Variants in FOXJ3 observed in about 807,000 individuals in gnomAD.
FOXJ3 encodes forkhead box J3, also known as forkhead box protein J3.
In FOXJ3, 22 loss-of-function variants were observed where a neutral mutation model predicts 76.1. The ratio of observed to expected loss-of-function variants is 0.29; its 90% CI spans 0.21 to 0.41. The LOEUF (loss-of-function observed/expected upper bound fraction) is 0.41. Ranked by LOEUF, FOXJ3 falls within the 10% of genes least tolerant of loss-of-function variation. The pLI is 1.00. For synonymous variants in FOXJ3, 269 were observed against 261.2 expected, an observed-to-expected ratio of 1.03 and a Z score of -0.29; for missense variants, 613 against 762.1, an observed-to-expected ratio of 0.80 and a Z score of 2.30.
chr1:42,284,402 T>C (rs1421621749), intron 2 of FOXJ3, among the ~76,000 whole-genome samples: 2 of 152,232 alleles, frequency 1.3e-5, no homozygotes, highest in Non-Finnish European at 2.9e-5. Context: ...GTTGGCTCTT[T>C]CTCGCCATTT....
Position 42,300,776 on chromosome 1 carries a change from C to CA in FOXJ3, c.44+10273dup, listed in dbSNP as rs557590466. On this transcript the variant is annotated intron_variant, in intron 2 of 12. Transcript: ENST00000361346. ...CTGGCCAGCAGACTGAGACCCTGTCCAAAAAACAAAATTAATTCTTGGCTG... is the reference window on the plus strand; with the variant it reads ...CTGGCCAGCAGACTGAGACCCTGTCCAAAAAAACAAAATTAATTCTTGGCTG... 2.3e-3 allele frequency among the ~76,000 whole-genome samples: 352 copies of CA among 152,084 alleles called. 6 individuals carry two copies. The highest frequency in any genetic ancestry group is 2.9e-3 in the East Asian group (15 of 5,174).
intron 5 of FOXJ3, among the ~76,000 whole-genome samples, chr1:42,220,232 GA>G (rs1358434947): frequency 1.3e-5 from 2 of 152,138 alleles, no homozygotes; most frequent in Non-Finnish European, 2.9e-5. Flanking sequence ...CAGTGACCAG[GA>G]AGAGACTATT....
intron 3 of FOXJ3, among the ~76,000 whole-genome samples, chr1:42,267,777 GAA>G (rs958207961): frequency 1.3e-5 from 2 of 151,992 alleles, no homozygotes; most frequent in Non-Finnish European, 2.9e-5. Flanking sequence ...GAAAACTAAA[GAA>G]AGAGACAAAT....
intron 2 of FOXJ3, among the ~76,000 whole-genome samples, chr1:42,308,396 A>C (rs1654596185): frequency 6.6e-6 from 1 of 152,198 alleles, no homozygotes; most frequent in South Asian, 2.1e-4. Flanking sequence ...GTGGTTATTA[A>C]GTAATCCAGT....
Position 42,191,432 on chromosome 1 carries a change from T to C in FOXJ3, c.1222A>G (p.Ser408Gly), listed in dbSNP as rs941033595. The C allele has an allele frequency of 6.2e-7, 1 of 1,612,550 alleles. No individual in the cohort carries two copies. The highest frequency in any genetic ancestry group is 1.3e-5 in the African/African-American group (1 of 74,834). Residue 408 changes from serine to glycine, a missense_variant, in exon 9 of 13, where the codon AGC (serine) becomes GGC (glycine). Ser to Gly is a moderately conservative substitution (Grantham distance 56, BLOSUM62 0). This residue lies in a region of FOXJ3 where 526 missense variants were observed against 601.4 expected (regional missense o/e 0.87). Transcript: ENST00000361346. The part of the protein sequence containing the change: ...PHPAPHPQQH[S>G]QLQSPHPQHP... ...TGGGGGTGAGGGGACTGGAGCTGGC[T>C]GTGTTGCTGTGGGTGTGGTGCTGGG...
intron 4 of FOXJ3, among the ~76,000 whole-genome samples, chr1:42,248,974 ACT>A (rs1444277189): frequency 6.6e-6 from 1 of 150,816 alleles, no homozygotes; most frequent in Non-Finnish European, 1.5e-5. Context: ...TCATTGTTCA[ACT>A]CCCACTATGA....
intron 4 of FOXJ3, among the ~76,000 whole-genome samples, chr1:42,248,704 G>C (rs1457210181): frequency 7.3e-6 from 1 of 137,688 alleles, no homozygotes; most frequent in African/African-American, 2.7e-5. Flanking sequence ...ATATTGTCCA[G>C]AAAGAACTCA....
chr1:42,230,358 A>G (rs1400270202), intron 4 of FOXJ3, among the ~76,000 whole-genome samples: 1 of 152,190 alleles, frequency 6.6e-6, no homozygotes, highest in East Asian at 1.9e-4. Flanking sequence ...TAGCAGGTAC[A>G]GGCTAAGTAT....
intron 5 of FOXJ3, among the ~76,000 whole-genome samples, chr1:42,212,972 C>CA (rs34286246): frequency 1.8e-4 from 22 of 122,968 alleles, no homozygotes; most frequent in Admixed American, 3.5e-4. Context: ...AAAAAAAAAA[C>CA]AAAAAAAAAA....
intron 5 of FOXJ3, among the ~76,000 whole-genome samples, chr1:42,212,228 G>A (rs971762753): frequency 1.3e-5 from 2 of 152,152 alleles, no homozygotes; most frequent in African/African-American, 2.4e-5. Flanking sequence ...CAGCCTGGGT[G>A]ACATAGCAAG....
intron 2 of FOXJ3, among the ~76,000 whole-genome samples, chr1:42,289,888 T>TTGTA (rs1466695607): frequency 6.6e-6 from 1 of 152,116 alleles, no homozygotes; most frequent in Non-Finnish European, 1.5e-5. Context: ...AGACTGAGTC[T>TTGTA]TTTACACAAA....
At chr1:42,185,582 G>T (rs181357128) in intron 11 of FOXJ3, among the ~76,000 whole-genome samples, 1 of 151,884 alleles carries the variant, frequency 6.6e-6, no homozygotes, top group East Asian at 1.9e-4. Flanking sequence ...AACTCTTTTA[G>T]GTAAAAGCTA....
rs1400341643 is a variant in FOXJ3 at position 42,179,683 on chromosome 1, G to A, written c.*27C>T. The A allele has an allele frequency of 4.3e-6, 6 of 1,383,068 alleles. No individual in the cohort carries two copies. The South Asian group carries it at 7.0e-5, about 16-fold the overall frequency. The allele number at this position is 1,383,068 out of a possible 1,614,324, so 85.7% of individuals were successfully genotyped here. A position where few individuals can be genotyped will look rare whatever the true frequency, so the allele number is the denominator to read the frequency against. ...TTCACTGCACAGAAAGGTAACGTTA[G>A]GGTCTGGTGTCTTGCAGAAACAAGC... is the stretch of plus-strand genomic sequence containing the variant. On this transcript the variant is annotated 3_prime_UTR_variant, in exon 13 of 13. Transcript: ENST00000361346.
chr1:42,261,148 A>T (rs1178608698), intron 4 of FOXJ3, among the ~76,000 whole-genome samples: 1 of 152,142 alleles, frequency 6.6e-6, no homozygotes. Context: ...ATTTACCTTT[A>T]AGATAATTAA....
At chr1:42,184,471 AT>A (rs1646394165) in intron 11 of FOXJ3, among the ~76,000 whole-genome samples, 1 of 151,976 alleles carries the variant, frequency 6.6e-6, no homozygotes, top group Non-Finnish European at 1.5e-5. Flanking sequence ...ATTAATTCTC[AT>A]TTTTTCCCAT....
intron 4 of FOXJ3, among the ~76,000 whole-genome samples, chr1:42,264,216 T>C (rs1570098742): frequency 6.6e-6 from 1 of 151,970 alleles, no homozygotes; most frequent in Non-Finnish European, 1.5e-5. Flanking sequence ...ACCATATGAA[T>C]AGCATGTTTG....
intron 2 of FOXJ3, among the ~76,000 whole-genome samples, chr1:42,295,447 A>G (rs1653721007): frequency 6.6e-6 from 1 of 151,756 alleles, no homozygotes; most frequent in African/African-American, 2.4e-5. Context: ...TATTCAGTCA[A>G]CTGCTGATGA....
At chr1:42,324,550 T>C (rs1483327110) in intron 1 of FOXJ3, among the ~76,000 whole-genome samples, 4 of 151,962 alleles carry the variant, frequency 2.6e-5, no homozygotes, top group African/African-American at 4.8e-5. Flanking sequence ...AACGTGTCGT[T>C]AGGCGATTTC....
intron 1 of FOXJ3, 49 bp from the exon 2 acceptor site, chr1:42,311,159 A>T: frequency 8.5e-7 from 1 of 1,171,130 alleles, no homozygotes; most frequent in East Asian, 2.4e-5. Context: ...AGTAAATTAA[A>T]CCATAAGTCT....
Sources: allele counts gnomAD v4.1 joint callset (sites outside exome capture counted in the v4.1 genomes callset), GRCh38; gene constraint gnomAD v4.1.1; regional missense constraint gnomAD v4.1.1; transcripts MANE v1.5; gene names NCBI Gene and HGNC (gene_info 2026-07-23, HGNC 2026-07-21).